Variants in CHRNA7 observed in about 807,000 individuals in gnomAD.
CHRNA7 encodes the protein neuronal acetylcholine receptor subunit alpha-7.
Under a neutral mutation model 48.0 loss-of-function variants are expected in CHRNA7, and 17 were observed. The observed-to-expected ratio is 0.35, with a 90% CI of 0.24 to 0.53. The LOEUF (loss-of-function observed/expected upper bound fraction) is 0.53, where lower values mean the gene tolerates loss of function less well. Ranked by LOEUF, CHRNA7 falls within the 20% of genes least tolerant of loss-of-function variation. The pLI is 0.92. For synonymous variants in CHRNA7, 75 were observed against 242.3 expected, an observed-to-expected ratio of 0.31 and a Z score of 6.41; for missense variants, 155 against 577.7, an observed-to-expected ratio of 0.27 and a Z score of 7.50.
intron 4 of CHRNA7, among the ~76,000 whole-genome samples, chr15:32,138,450 C>A (rs1390318030): frequency 1.3e-5 from 2 of 151,898 alleles, no homozygotes; most frequent in African/African-American, 4.8e-5. Flanking sequence ...TCCCAACCCC[C>A]ACCCAAGCAC....
chr15:32,104,593 G>A (rs1383444789), intron 3 of CHRNA7, among the ~76,000 whole-genome samples: 1 of 152,128 alleles, frequency 6.6e-6, no homozygotes, highest in Non-Finnish European at 1.5e-5. Flanking sequence ...AGGGCTCCAG[G>A]TGCATTCGGT....
At chr15:32,066,678 A>G (rs918320258) in intron 2 of CHRNA7, among the ~76,000 whole-genome samples, 3 of 152,256 alleles carry the variant, frequency 2.0e-5, no homozygotes, top group African/African-American at 7.2e-5. Context: ...GGGAAAAACA[A>G]AACAGAGTCA....
chr15:32,136,497 CA>C (rs34839510), intron 4 of CHRNA7, among the ~76,000 whole-genome samples: 43,951 of 110,046 alleles, frequency 0.4, 6,479 homozygotes, highest in Middle Eastern at 0.52. Context: ...GACTCCATCT[CA>C]AAAAAAAAAA....
intron 2 of CHRNA7, among the ~76,000 whole-genome samples, chr15:32,059,249 C>T (rs116613835): frequency 0.011 from 1,702 of 152,164 alleles, 40 homozygotes; most frequent in African/African-American, 0.039. Context: ...GGTGATGTGC[C>T]CGCCTTGGCC....
chr15:32,045,481 C>G (rs2049524126), intron 2 of CHRNA7, among the ~76,000 whole-genome samples: 1 of 152,000 alleles, frequency 6.6e-6, no homozygotes, highest in South Asian at 2.1e-4. Flanking sequence ...CTGGTTCTTG[C>G]ATATACATTC....
At chr15:32,148,584 A>G (rs1163901461) in intron 4 of CHRNA7, among the ~76,000 whole-genome samples, 1 of 152,072 alleles carries the variant, frequency 6.6e-6, no homozygotes, top group Non-Finnish European at 1.5e-5. Flanking sequence ...GAAAGGTGTG[A>G]TCTCAGACCC....
intron 4 of CHRNA7, among the ~76,000 whole-genome samples, chr15:32,142,353 C>G (rs1000460055): frequency 6.6e-6 from 1 of 152,136 alleles, no homozygotes; most frequent in Admixed American, 6.5e-5. Flanking sequence ...TGCATCAATG[C>G]TCCTCAGGGA....
chr15:32,110,150 G>T (rs931455977), intron 3 of CHRNA7, among the ~76,000 whole-genome samples: 1 of 152,214 alleles, frequency 6.6e-6, no homozygotes, highest in African/African-American at 2.4e-5. Flanking sequence ...AGGGTGAGAT[G>T]CAAGACTGTG....
chr15:32,125,508 T>C (rs1233461955), intron 4 of CHRNA7, among the ~76,000 whole-genome samples: 1 of 151,156 alleles, frequency 6.6e-6, no homozygotes, highest in Non-Finnish European at 1.5e-5. Context: ...CCGGGCTGCC[T>C]AGTAGACTCT....
intron 4 of CHRNA7, among the ~76,000 whole-genome samples, chr15:32,143,087 T>A (rs906000704): frequency 1.3e-5 from 2 of 152,238 alleles, no homozygotes; most frequent in Admixed American, 1.3e-4. Flanking sequence ...CACACTACTT[T>A]GAATGTGTCC....
intron 2 of CHRNA7, among the ~76,000 whole-genome samples, chr15:32,092,402 C>T (rs1002749198): frequency 1.3e-5 from 2 of 152,180 alleles, no homozygotes; most frequent in Non-Finnish European, 1.5e-5. Context: ...GGCTTTTTTC[C>T]AGGCTACTTT....
intron 4 of CHRNA7, among the ~76,000 whole-genome samples, chr15:32,123,668 A>G (rs1279904238): frequency 6.6e-6 from 1 of 152,144 alleles, no homozygotes; most frequent in East Asian, 1.9e-4. Context: ...GCACCTGCAT[A>G]AACAAAACTT....
At chr15:32,108,887 T>C (rs2050716956) in intron 3 of CHRNA7, among the ~76,000 whole-genome samples, 1 of 152,180 alleles carries the variant, frequency 6.6e-6, no homozygotes, top group African/African-American at 2.4e-5. Flanking sequence ...GAGACAATGA[T>C]TTACCTGAAC....
At chr15:32,056,506 C>T (rs2049791343) in intron 2 of CHRNA7, among the ~76,000 whole-genome samples, 1 of 152,168 alleles carries the variant, frequency 6.6e-6, no homozygotes, top group African/African-American at 2.4e-5. Flanking sequence ...TCCACTATGC[C>T]TGTGCCCTAA....
chr15:32,070,410 A>G (rs1406344781), intron 2 of CHRNA7, among the ~76,000 whole-genome samples: 1 of 152,108 alleles, frequency 6.6e-6, no homozygotes, highest in Non-Finnish European at 1.5e-5. Context: ...GTGGACTCTA[A>G]ATGTAAGAGT....
chr15:32,112,543 A>G (rs1414267424), intron 4 of CHRNA7, among the ~76,000 whole-genome samples: 1 of 152,270 alleles, frequency 6.6e-6, no homozygotes, highest in Non-Finnish European at 1.5e-5. Context: ...GTAAGTTTCT[A>G]GAAGCAGTAA....
rs561045935 is a variant in CHRNA7 at position 32,064,547 on chromosome 15, G to A, written c.195+33510G>A. ...GCAGGCAGGGGGTTCCCATATGTCT[G>A]TATGGTAGTGGTGGTGATGTTGGAG... On this transcript the variant is annotated intron_variant, in intron 2 of 9. Coordinates refer to ENST00000306901, the MANE Select transcript of CHRNA7 (RefSeq NM_000746.6). 4.6e-5 allele frequency among the ~76,000 whole-genome samples: 7 copies of A among 152,016 alleles called. No homozygotes were observed. The East Asian group carries it at 1.4e-3, about 29-fold the overall frequency.
At chr15:32,074,184 A>G (rs370321284) in intron 2 of CHRNA7, among the ~76,000 whole-genome samples, 11 of 151,616 alleles carry the variant, frequency 7.3e-5, no homozygotes, top group African/African-American at 1.9e-4. Flanking sequence ...CAGCTTTGCT[A>G]AACTCACTTA....
At chr15:32,158,710 T>TGGGGATTCCC (rs2051824625) in intron 7 of CHRNA7, 104 bp downstream of exon 7, 2 of 862,512 alleles carry the variant, frequency 2.3e-6, no homozygotes, top group South Asian at 3.5e-5. Context: ...TCAGGGTTCC[T>TGGGGATTCCC]GGGGATTCCC....
Sources: gnomAD v4.1 joint callset for allele counts (sites outside exome capture counted in the v4.1 genomes callset) on GRCh38, gnomAD v4.1.1 for gene constraint, MANE v1.5 for transcripts, NCBI Gene and HGNC (gene_info 2026-07-23, HGNC 2026-07-21) for gene names.